Variants in BNIP3L observed in about 807,000 individuals in gnomAD.
BNIP3L encodes the protein BCL2 interacting protein 3 like, also known as BCL2/adenovirus E1B 19 kDa protein-interacting protein 3-like.
Under a neutral mutation model 25.5 loss-of-function variants are expected in BNIP3L, and 10 were observed. The ratio of observed to expected loss-of-function variants is 0.39; its 90% CI spans 0.24 to 0.67. The LOEUF (loss-of-function observed/expected upper bound fraction) is 0.67. BNIP3L is among the 30% of genes least tolerant of loss of function. The pLI is 0.45. For missense variants in BNIP3L, 215 were observed against 270.9 expected, an observed-to-expected ratio of 0.79 and a Z score of 1.45; for synonymous variants, 113 against 101.2, an observed-to-expected ratio of 1.12 and a Z score of -0.70.
At chr8:26,400,107 G>T (rs1336434276) in intron 3 of BNIP3L, among the ~76,000 whole-genome samples, 8 of 150,316 alleles carry the variant, frequency 5.3e-5, no homozygotes, top group African/African-American at 1.9e-4. Context: ...GCATCGCCAA[G>T]TCAATCCTAA....
At chr8:26,395,759 G>C (rs1806221425) in intron 3 of BNIP3L, 1 of 170,624 alleles carries the variant, frequency 5.9e-6, no homozygotes, top group Admixed American at 6.1e-5. Context: ...GCAGGCCAGT[G>C]GGTGCGCGCA....
chr8:26,411,017 A>G lies in BNIP3L; in HGVS notation c.*605A>G, dbSNP rs1170755430. The G allele has an allele frequency of 6.6e-6, 1 of 152,586 alleles. No homozygotes were observed. Among genetic ancestry groups the G allele is most frequent in the Non-Finnish European group, 1.5e-5 (1 of 68,380 alleles). The allele number at this position is 152,586 out of a possible 1,614,324, so 9.5% of individuals were successfully genotyped here. On this transcript the variant is annotated 3_prime_UTR_variant, in exon 6 of 6. Coordinates refer to ENST00000380629, the MANE Select transcript of BNIP3L (RefSeq NM_004331.3). ...AGCTTTGGAGCCACTTTTTTGTCTA[A>G]GCCTCCTAATAGCGTCTTTTAATTT...
chr8:26,403,258 T>C (rs541453315), intron 3 of BNIP3L, among the ~76,000 whole-genome samples: 11 of 152,318 alleles, frequency 7.2e-5, no homozygotes, highest in South Asian at 2.1e-4. Flanking sequence ...GTTTAAACTT[T>C]CAAAAACCTT....
chr8:26,408,820 C>T (rs1057356642), intron 5 of BNIP3L, among the ~76,000 whole-genome samples: 10 of 147,294 alleles, frequency 6.8e-5, no homozygotes, highest in Non-Finnish European at 1.3e-4. Context: ...TGCAGTGAGC[C>T]GAGATCATGC....
intron 1 of BNIP3L, among the ~76,000 whole-genome samples, chr8:26,389,698 C>T (rs1054414449): frequency 2.0e-4 from 31 of 152,310 alleles, no homozygotes; most frequent in African/African-American, 7.2e-4. Context: ...CACAGCACCC[C>T]GGTGTTATTA....
At chr8:26,403,698 G>A (rs374361621) in intron 3 of BNIP3L, among the ~76,000 whole-genome samples, 2 of 151,780 alleles carry the variant, frequency 1.3e-5, no homozygotes, top group South Asian at 2.1e-4. Flanking sequence ...TGCCACGCCT[G>A]GCTACTTTTT....
At chr8:26,392,215 T>C (rs1007145810) in intron 2 of BNIP3L, among the ~76,000 whole-genome samples, 1 of 151,630 alleles carries the variant, frequency 6.6e-6, no homozygotes, top group Non-Finnish European at 1.5e-5. Context: ...TAAATGACAT[T>C]TAAGAAATTC....
chr8:26,401,891 C>T (rs533651702), intron 3 of BNIP3L, among the ~76,000 whole-genome samples: 11 of 152,198 alleles, frequency 7.2e-5, no homozygotes, highest in African/African-American at 2.6e-4. Flanking sequence ...ATACTCATAG[C>T]CAGCCTTTAA....
chr8:26,395,488 G>T (rs575354185), intron 3 of BNIP3L, 186 bp downstream of exon 3: 1 of 591,864 alleles, frequency 1.7e-6, no homozygotes, highest in African/African-American at 1.9e-5. Context: ...AAGGATTTTG[G>T]GCCCTGTCAC....
intron 3 of BNIP3L, among the ~76,000 whole-genome samples, chr8:26,403,720 TG>T (rs1806440747): frequency 6.6e-6 from 1 of 151,966 alleles, no homozygotes; most frequent in South Asian, 2.1e-4. Context: ...ATTTTTTTTT[TG>T]TATAGACAGA....
At position 26,405,261 on chromosome 8, in the gene BNIP3L, C is replaced by T. The variant is rs771212780; in HGVS notation, c.358-2739C>T. On this transcript the variant is annotated intron_variant, in intron 3 of 5. Transcript: ENST00000380629. Reference sequence around the variant, plus strand: ...GCCAAAGCAGGAAACTAAACAGAAGCGACCTGCAGTGTGTTGAGTATAGTC... The same window carrying T: ...GCCAAAGCAGGAAACTAAACAGAAGTGACCTGCAGTGTGTTGAGTATAGTC... Among the ~76,000 whole-genome samples the T allele has an allele frequency of 1.8e-4, 28 of 152,154 alleles. 1 individual carries two copies. Among genetic ancestry groups the T allele is most frequent in the Non-Finnish European group, 2.4e-4 (16 of 68,040 alleles).
intron 1 of BNIP3L, among the ~76,000 whole-genome samples, chr8:26,385,169 T>G (rs1027962587): frequency 1.3e-5 from 2 of 152,196 alleles, no homozygotes; most frequent in Non-Finnish European, 2.9e-5. Context: ...TGGCCAACCT[T>G]TCTGTTTCTT....
intron 3 of BNIP3L, among the ~76,000 whole-genome samples, chr8:26,398,246 A>T (rs1585435669): frequency 6.5e-5 from 1 of 15,360 alleles, no homozygotes; most frequent in Non-Finnish European, 1.2e-4. Flanking sequence ...CAGCAAATGT[A>T]AAAGAACAGA....
At chr8:26,390,283 A>C (rs1230130148) in intron 1 of BNIP3L, 1 of 914,206 alleles carries the variant, frequency 1.1e-6, no homozygotes, top group Non-Finnish European at 1.3e-6. Context: ...AAGCACCTTA[A>C]TACGTTTAGC....
chr8:26,394,735 A>G (rs934590447), intron 2 of BNIP3L, among the ~76,000 whole-genome samples: 2 of 152,220 alleles, frequency 1.3e-5, no homozygotes, highest in African/African-American at 4.8e-5. Context: ...GAGAATGAGA[A>G]TGAAAAAGGC....
In BNIP3L at chr8:26,408,030, G is replaced by A. The variant is rs775762260; in HGVS notation, c.388G>A (p.Glu130Lys). The change falls in exon 4 of 6, where the codon GAA (glutamate) becomes AAA (lysine). Residue 130 changes from glutamate to lysine, a missense_variant. By Grantham distance (56) the Glu-to-Lys change is moderately conservative. Transcript: ENST00000380629. ...SEEEVVEGEK[E>K]VEALKKSADW... ...AGAAGAAGTTGTAGAAGGAGAGAAG[G>A]AAGTCGAGGCTTTGAAGAAAAGTGC... 2 of 1,614,174 alleles carry A rather than the reference G, an allele frequency of 1.2e-6. No individual in the cohort carries two copies. Among genetic ancestry groups the A allele is most frequent in the Non-Finnish European group, 1.7e-6 (2 of 1,180,028 alleles).
chr8:26,410,513 A>AC lies in BNIP3L; in HGVS notation c.*103dup. The AC allele has an allele frequency of 7.4e-7, 1 of 1,346,162 alleles. No individual in the cohort carries two copies. The highest frequency in any genetic ancestry group is 1.1e-6 in the Non-Finnish European group (1 of 943,034). The allele number at this position is 1,346,162 out of a possible 1,614,324, so 83.4% of individuals were successfully genotyped here. ...GACCATTGTAAGCATGACCCAACCT[A>AC]CCACCCTGTTTTTACATATCCAATT... On this transcript the variant is annotated 3_prime_UTR_variant, in exon 6 of 6. Coordinates refer to ENST00000380629, the MANE Select transcript of BNIP3L (RefSeq NM_004331.3).
At chr8:26,393,604 G>A (rs1806162409) in intron 2 of BNIP3L, among the ~76,000 whole-genome samples, 1 of 151,924 alleles carries the variant, frequency 6.6e-6, no homozygotes, top group Admixed American at 6.6e-5. Context: ...GTACCAGTGT[G>A]AAGAAGCATA....
At chr8:26,404,829 TAGGTATAG>T (rs1432379427) in intron 3 of BNIP3L, among the ~76,000 whole-genome samples, 1 of 152,170 alleles carries the variant, frequency 6.6e-6, no homozygotes, top group Non-Finnish European at 1.5e-5. Context: ...TGAATAGATG[TAGGTATAG>T]AGAGAGGATT....
Sources: allele counts gnomAD v4.1 joint callset (sites outside exome capture counted in the v4.1 genomes callset), GRCh38; gene constraint gnomAD v4.1.1; transcripts MANE v1.5; gene names NCBI Gene and HGNC (gene_info 2026-07-23, HGNC 2026-07-21).